Variants in HSD17B12 observed in about 807,000 individuals in gnomAD.
HSD17B12 encodes hydroxysteroid 17-beta dehydrogenase 12.
Under a neutral mutation model 39.3 loss-of-function variants are expected in HSD17B12, and 32 were observed. The ratio of observed to expected loss-of-function variants is 0.81; its 90% CI spans 0.61 to 1.09. The LOEUF (loss-of-function observed/expected upper bound fraction) is 1.09, where lower values mean the gene tolerates loss of function less well. HSD17B12 is among the 50% of genes least tolerant of loss of function. HSD17B12 has a pLI of 0.00. For synonymous variants in HSD17B12, 150 were observed against 146.7 expected, an observed-to-expected ratio of 1.02 and a Z score of -0.16; for missense variants, 342 against 382.9, an observed-to-expected ratio of 0.89 and a Z score of 0.89.
chr11:43,558,439 G>T, the HSD17B12 span, among the ~76,000 whole-genome samples: 1 of 151,098 alleles, frequency 6.6e-6, no homozygotes, highest in Non-Finnish European at 1.5e-5. Flanking sequence ...TTTTTTCATC[G>T]AGGGAAGCAG....
chr11:43,775,838 T>A (rs1053741562), intron 3 of HSD17B12, among the ~76,000 whole-genome samples: 5 of 146,634 alleles, frequency 3.4e-5, no homozygotes, highest in Admixed American at 2.1e-4. Context: ...AATTCCCACC[T>A]ATGAGTGAGA....
the HSD17B12 span, among the ~76,000 whole-genome samples, chr11:43,590,506 A>ATGTTTTTTTTTTTTTTTTTTTTTTTTT: frequency 1.9e-5 from 1 of 51,606 alleles, no homozygotes. Flanking sequence ...GGAGTGAGTG[A>ATGTTTTTTTTTTTTTTTTTTTTTTTTT]TTTTTTTTTT....
chr11:43,579,678 C>CGCAGACGCTCGGAGGGTGT, the HSD17B12 span, among the ~76,000 whole-genome samples: 5 of 152,028 alleles, frequency 3.3e-5, no homozygotes, highest in Non-Finnish European at 7.4e-5. Context: ...GCGGCGGGCG[C>CGCAGACGCTCGGAGGGTGT]GCAGACGCTC....
the HSD17B12 span, among the ~76,000 whole-genome samples, chr11:43,576,082 G>C: frequency 2.6e-5 from 4 of 152,184 alleles, no homozygotes; most frequent in Admixed American, 2.0e-4. Flanking sequence ...TCAGCATGTA[G>C]GGAATCTGAT....
the HSD17B12 span, among the ~76,000 whole-genome samples, chr11:43,637,524 A>G: frequency 1.3e-5 from 2 of 152,058 alleles, no homozygotes; most frequent in African/African-American, 4.8e-5. Flanking sequence ...CCTGGCTGAC[A>G]CTATTGTTTT....
At chr11:43,640,982 A>T in the HSD17B12 span, 1 of 151,866 alleles carries the variant, frequency 6.6e-6, no homozygotes, top group African/African-American at 2.4e-5. Context: ...CTCCTGAAGA[A>T]ATTTGAAGAT....
At chr11:43,580,518 G>C in the HSD17B12 span, among the ~76,000 whole-genome samples, 33 of 152,234 alleles carry the variant, frequency 2.2e-4, no homozygotes, top group African/African-American at 7.5e-4. Context: ...GGTGGGAAAG[G>C]GGGTGTTGAG....
chr11:43,632,809 G>C, the HSD17B12 span, among the ~76,000 whole-genome samples: 12,858 of 152,130 alleles, frequency 0.085, 1,228 homozygotes, highest in African/African-American at 0.24. Flanking sequence ...GGGCATGTTG[G>C]CATGTCTTTT....
At chr11:43,558,215 G>A in the HSD17B12 span, among the ~76,000 whole-genome samples, 2 of 152,142 alleles carry the variant, frequency 1.3e-5, no homozygotes, top group East Asian at 3.9e-4. Flanking sequence ...AGGTGGAGGG[G>A]TGGAGAGAGG....
At chr11:43,627,451 G>C in the HSD17B12 span, among the ~76,000 whole-genome samples, 1 of 151,750 alleles carries the variant, frequency 6.6e-6, no homozygotes. Context: ...TTTTAATGGT[G>C]ATGTTAGATC....
At chr11:43,783,274 T>C (rs972674823) in intron 3 of HSD17B12, among the ~76,000 whole-genome samples, 1 of 152,134 alleles carries the variant, frequency 6.6e-6, no homozygotes, top group African/African-American at 2.4e-5. Flanking sequence ...CAATGTTAAT[T>C]TCTTGATTTC....
At chr11:43,725,608 A>T (rs1000954509) in intron 1 of HSD17B12, among the ~76,000 whole-genome samples, 1 of 152,238 alleles carries the variant, frequency 6.6e-6, no homozygotes. Flanking sequence ...TATGCCAGCT[A>T]CTATTCTAGG....
chr11:43,735,132 A>G (rs1432372907), intron 1 of HSD17B12, among the ~76,000 whole-genome samples: 3 of 152,208 alleles, frequency 2.0e-5, no homozygotes, highest in South Asian at 4.1e-4. Context: ...ATAATATTCC[A>G]TTGTATGTAT....
At chr11:43,560,140 CAA>C in the HSD17B12 span, among the ~76,000 whole-genome samples, 1 of 152,164 alleles carries the variant, frequency 6.6e-6, no homozygotes, top group Non-Finnish European at 1.5e-5. Flanking sequence ...AATGTAAACA[CAA>C]GAGCGTTTAA....
chr11:43,831,110 A>G lies in HSD17B12; in HGVS notation c.536+100A>G, dbSNP rs1590336014. On this transcript the variant is annotated intron_variant, in intron 7 of 10. Coordinates refer to ENST00000278353, the MANE Select transcript of HSD17B12 (RefSeq NM_016142.3). This position sits in a 1 kb window ranked among gnomAD's most constrained non-coding sequence, Gnocchi z 4.1. ...AAAAAATCACTGAAGTGACTAATGAACCAAGCCTCCATGTCTTAGCCACAG... is the reference window on the plus strand; with the variant it reads ...AAAAAATCACTGAAGTGACTAATGAGCCAAGCCTCCATGTCTTAGCCACAG... 3.7e-6 allele frequency: 4 copies of G among 1,089,170 alleles called. No individual in the cohort carries two copies. Among genetic ancestry groups the G allele is most frequent in the South Asian group, 3.0e-5 (2 of 66,686 alleles). The allele number at this position is 1,089,170 out of a possible 1,614,324, so 67.5% of individuals were successfully genotyped here. A position where few individuals can be genotyped will look rare whatever the true frequency, so the allele number is the denominator to read the frequency against.
intron 3 of HSD17B12, among the ~76,000 whole-genome samples, chr11:43,780,999 C>G (rs1012467295): frequency 2.0e-5 from 3 of 152,126 alleles, no homozygotes; most frequent in Admixed American, 1.3e-4. Flanking sequence ...GCAGACTAGT[C>G]GCACCTATAA....
At chr11:43,754,724 G>A in intron 3 of HSD17B12, 1 of 502,092 alleles carries the variant, frequency 2.0e-6, no homozygotes, top group Non-Finnish European at 3.5e-6. Flanking sequence ...GTCTAAACTT[G>A]TTTGCTGTGA....
chr11:43,676,787 G>A (rs1195246161), upstream of HSD17B12, among the ~76,000 whole-genome samples: 2 of 152,160 alleles, frequency 1.3e-5, no homozygotes, highest in Non-Finnish European at 2.9e-5. Context: ...ATAGATTCTA[G>A]TGGGGGCCAC....
intron 6 of HSD17B12, among the ~76,000 whole-genome samples, chr11:43,818,841 G>T (rs539771597): frequency 2.6e-5 from 4 of 152,250 alleles, no homozygotes; most frequent in African/African-American, 9.6e-5. Flanking sequence ...TAAACTCAGA[G>T]CTGATACAGA....
Sources: gnomAD v4.1 joint callset for allele counts (sites outside exome capture counted in the v4.1 genomes callset) on GRCh38, gnomAD v4.1.1 for gene constraint, Gnocchi (gnomAD v3.1) non-coding constraint, MANE v1.5 for transcripts, NCBI Gene and HGNC (gene_info 2026-07-23, HGNC 2026-07-21) for gene names.